Variants in KIF16B observed in about 807,000 individuals in gnomAD.
KIF16B encodes the protein kinesin-like protein KIF16B.
Under a neutral mutation model 156.3 loss-of-function variants are expected in KIF16B, and 98 were observed. The observed-to-expected ratio is 0.63, with a 90% CI of 0.53 to 0.74. The LOEUF (loss-of-function observed/expected upper bound fraction) is 0.74. Among genes scored for constraint, KIF16B ranks in the 30% least tolerant of loss-of-function variants. The pLI is 0.00. For synonymous variants in KIF16B, 564 were observed against 583.7 expected (o/e 0.97, Z 0.49); for missense variants, 1,421 against 1,606.5 (o/e 0.88, Z 1.97).
chr20:16,462,066 T>C (rs987237965), intron 12 of KIF16B, among the ~76,000 whole-genome samples: 8 of 152,132 alleles, frequency 5.3e-5, no homozygotes, highest in South Asian at 2.1e-4. Context: ...CTGGCCAACA[T>C]GGTGAAACCC....
chr20:16,507,028 A>G (rs1352157873), intron 7 of KIF16B, among the ~76,000 whole-genome samples: 1 of 151,194 alleles, frequency 6.6e-6, no homozygotes, highest in Non-Finnish European at 1.5e-5. Context: ...TTGAGCCCAG[A>G]GGTTGAGACT....
intron 25 of KIF16B, among the ~76,000 whole-genome samples, chr20:16,280,738 G>A (rs546631632): frequency 2.6e-5 from 4 of 152,320 alleles, no homozygotes; most frequent in South Asian, 4.1e-4. Context: ...GTTCAAGCCC[G>A]TAAGCCTGAA....
intron 23 of KIF16B, among the ~76,000 whole-genome samples, chr20:16,337,468 T>C (rs1038243876): frequency 6.6e-6 from 1 of 152,236 alleles, no homozygotes; most frequent in Non-Finnish European, 1.5e-5. Context: ...GGTTCTGTAC[T>C]CATTTTTTAC....
At chr20:16,291,069 G>T (rs2063307894) in intron 25 of KIF16B, among the ~76,000 whole-genome samples, 1 of 152,208 alleles carries the variant, frequency 6.6e-6, no homozygotes, top group African/African-American at 2.4e-5. Context: ...ACAGTACTTT[G>T]CTTGTAAAAT....
chr20:16,328,401 C>T (rs1286190016), intron 24 of KIF16B, among the ~76,000 whole-genome samples: 2 of 152,180 alleles, frequency 1.3e-5, no homozygotes, highest in African/African-American at 4.8e-5. Flanking sequence ...TGAACTGTTC[C>T]ATGTAGCTTA....
intron 25 of KIF16B, among the ~76,000 whole-genome samples, chr20:16,306,632 G>A (rs943441593): frequency 6.6e-6 from 1 of 152,064 alleles, no homozygotes; most frequent in Non-Finnish European, 1.5e-5. Context: ...GTAACAAACT[G>A]AGATACTGCT....
chr20:16,537,245 T>C (rs750550777), intron 1 of KIF16B, among the ~76,000 whole-genome samples: 3 of 152,146 alleles, frequency 2.0e-5, no homozygotes, highest in South Asian at 4.2e-4. Context: ...CTGACCCTAG[T>C]TGACATTTCT....
At chr20:16,324,952 C>T (rs2063822510) in intron 24 of KIF16B, among the ~76,000 whole-genome samples, 1 of 152,020 alleles carries the variant, frequency 6.6e-6, no homozygotes, top group African/African-American at 2.4e-5. Context: ...GATAATCCAC[C>T]ACGATCAAGT....
Position 16,511,524 on chromosome 20 carries a change from G to A in KIF16B, c.450C>T (p.Tyr150=). ...TCACACGTTCGTTATAAATTTCTAA[G>A]TAGCTAAAAATTTAAAATAAAATTG... ...DEASFRTEVS[Y]LEIYNERVRD... is the part of the protein sequence containing the mutation. The change falls in exon 6 of 26, where the codon TAC becomes TAT. Residue 150 remains tyrosine, a synonymous_variant. Transcript: ENST00000354981. The A allele has an allele frequency of 6.3e-7, 1 of 1,585,356 alleles. No individual in the cohort carries two copies. The highest frequency in any genetic ancestry group is 8.6e-7 in the Non-Finnish European group (1 of 1,159,542).
At chr20:16,291,406 TGGACACATGTGTCTG>T (rs1467934247) in intron 25 of KIF16B, among the ~76,000 whole-genome samples, 1 of 152,236 alleles carries the variant, frequency 6.6e-6, no homozygotes, top group Non-Finnish European at 1.5e-5. Context: ...TGCGCTTCCT[TGGACACATGTGTCTG>T]GCTGTGTTAA....
chr20:16,521,858 G>A (rs936610267), intron 3 of KIF16B, among the ~76,000 whole-genome samples: 1 of 152,168 alleles, frequency 6.6e-6, no homozygotes, highest in Non-Finnish European at 1.5e-5. Flanking sequence ...GAGATTGGGG[G>A]CCAATATTAA....
At chr20:16,285,363 T>G (rs937145193) in intron 25 of KIF16B, among the ~76,000 whole-genome samples, 6 of 152,240 alleles carry the variant, frequency 3.9e-5, no homozygotes, top group Admixed American at 2.0e-4. Context: ...CTTTTCATTG[T>G]TTGTACATGC....
At position 16,479,753 on chromosome 20, in the gene KIF16B, G is replaced by A. The variant is rs1447758572; in HGVS notation, c.1302+14538C>T. On this transcript the variant is annotated intron_variant, in intron 12 of 25. Transcript: ENST00000354981. Reference sequence around the variant, plus strand: ...TGCTCTACAGGTTTGTAGCCTAGGAGCAATAGGCCATACCATATAGCCTAG... The same window carrying A: ...TGCTCTACAGGTTTGTAGCCTAGGAACAATAGGCCATACCATATAGCCTAG... 3.9e-5 allele frequency among the ~76,000 whole-genome samples: 6 copies of A among 152,270 alleles called. No individual in the cohort carries two copies. In the South Asian group the frequency reaches 1.0e-3, roughly 26 times the overall value.
chr20:16,518,229 A>G (rs918940081), intron 3 of KIF16B, among the ~76,000 whole-genome samples: 3 of 152,166 alleles, frequency 2.0e-5, no homozygotes, highest in African/African-American at 7.2e-5. Context: ...GCATCTCTCC[A>G]GAGGTCTTGG....
intron 12 of KIF16B, among the ~76,000 whole-genome samples, chr20:16,489,836 T>A (rs6044019): frequency 3.3e-5 from 5 of 152,034 alleles, no homozygotes; most frequent in Middle Eastern, 3.4e-3. Flanking sequence ...CCCGGTGATG[T>A]TGATGCTGCT....
chr20:16,284,318 T>A (rs1038204609), intron 25 of KIF16B, among the ~76,000 whole-genome samples: 12 of 152,214 alleles, frequency 7.9e-5, no homozygotes, highest in Non-Finnish European at 2.9e-5. Context: ...TTGCCAGCCC[T>A]TGCAAGCTGC....
chr20:16,503,634 T>C (rs560350039), intron 10 of KIF16B, among the ~76,000 whole-genome samples: 98 of 152,326 alleles, frequency 6.4e-4, no homozygotes, highest in African/African-American at 1.8e-3. Flanking sequence ...GTAACTCCAG[T>C]CTAACTTCAA....
chr20:16,417,317 G>C (rs1432055571), intron 15 of KIF16B, among the ~76,000 whole-genome samples: 1 of 152,164 alleles, frequency 6.6e-6, no homozygotes, highest in Non-Finnish European at 1.5e-5. Flanking sequence ...CCAACGGGTA[G>C]TACACCCACT....
At chr20:16,402,712 A>G (rs1308426022) in intron 17 of KIF16B, among the ~76,000 whole-genome samples, 2 of 152,150 alleles carry the variant, frequency 1.3e-5, no homozygotes, top group Non-Finnish European at 1.5e-5. Context: ...ACTGGAGCTC[A>G]GAACACCTGG....
Sources: gnomAD v4.1 joint callset for allele counts (sites outside exome capture counted in the v4.1 genomes callset) on GRCh38, gnomAD v4.1.1 for gene constraint, MANE v1.5 for transcripts, NCBI Gene and HGNC (gene_info 2026-07-23, HGNC 2026-07-21) for gene names.